TIAM1: variants seen among roughly 807,000 people sequenced by gnomAD.
TIAM1 encodes rho guanine nucleotide exchange factor TIAM1.
A neutral mutation model predicts 163.5 loss-of-function variants in TIAM1; 65 were observed. The observed-to-expected ratio is 0.40, with a 90% CI of 0.33 to 0.49. The LOEUF (loss-of-function observed/expected upper bound fraction) is 0.49, where lower values mean the gene tolerates loss of function less well. Among genes scored for constraint, TIAM1 ranks in the 20% least tolerant of loss-of-function variants. TIAM1 has a pLI of 0.77. For synonymous variants in TIAM1, 833 were observed against 810.1 expected, an observed-to-expected ratio of 1.03 and a Z score of -0.48; for missense variants, 1,789 against 2,044.7, an observed-to-expected ratio of 0.87 and a Z score of 2.41.
intron 2 of TIAM1, among the ~76,000 whole-genome samples, chr21:31,354,412 T>A (rs1317660666): frequency 6.6e-6 from 1 of 152,168 alleles, no homozygotes; most frequent in Non-Finnish European, 1.5e-5. Flanking sequence ...AATGCATGTG[T>A]GGGAGATTCC....
intron 2 of TIAM1, among the ~76,000 whole-genome samples, chr21:31,285,380 T>A (rs1190697046): frequency 6.6e-6 from 1 of 152,170 alleles, no homozygotes; most frequent in Non-Finnish European, 1.5e-5. Context: ...TCCCAAGCAC[T>A]GCTGGAAAGG....
chr21:31,524,226 G>A (rs978972319), intron 1 of TIAM1, among the ~76,000 whole-genome samples: 4 of 152,130 alleles, frequency 2.6e-5, no homozygotes, highest in African/African-American at 7.2e-5. Context: ...CAAGAAGCAC[G>A]GCTTCTGGGA....
chr21:31,150,085 A>G (rs372142176), intron 19 of TIAM1, among the ~76,000 whole-genome samples: 1 of 152,324 alleles, frequency 6.6e-6, no homozygotes, highest in Admixed American at 6.5e-5. Context: ...ATGTAGCCCA[A>G]TGCTACCATT....
At chr21:31,267,071 G>T in intron 3 of TIAM1, 88 bp from the exon 4 acceptor site, 1 of 1,491,748 alleles carries the variant, frequency 6.7e-7, no homozygotes, top group Non-Finnish European at 8.9e-7. Context: ...CCTGCAGGGA[G>T]GGCAGAACAC....
intron 15 of TIAM1, among the ~76,000 whole-genome samples, chr21:31,173,923 G>A (rs919565093): frequency 9.2e-5 from 14 of 152,026 alleles, no homozygotes; most frequent in Admixed American, 6.6e-4. Context: ...AAGTTACCCC[G>A]CCCCCGGCCA....
chr21:31,330,647 A>G (rs1368949657), intron 2 of TIAM1, among the ~76,000 whole-genome samples: 2 of 152,172 alleles, frequency 1.3e-5, no homozygotes, highest in Non-Finnish European at 2.9e-5. Flanking sequence ...CATGTTGGCC[A>G]GGCTGGTCTC....
At chr21:31,146,694 G>C (rs573044361) in intron 20 of TIAM1, among the ~76,000 whole-genome samples, 1 of 139,304 alleles carries the variant, frequency 7.2e-6, no homozygotes, top group Non-Finnish European at 1.5e-5. Context: ...CTGGGCAACA[G>C]AGTGAGACTC....
At chr21:31,463,356 C>A (rs1361227615) in intron 2 of TIAM1, among the ~76,000 whole-genome samples, 3 of 152,152 alleles carry the variant, frequency 2.0e-5, no homozygotes, top group Admixed American at 1.3e-4. Flanking sequence ...CCGGAGCAAA[C>A]CCTGTCAATT....
chr21:31,212,606 C>CTTTTTTTTT (rs35838120), intron 10 of TIAM1: 1 of 93,742 alleles, frequency 1.1e-5, no homozygotes, highest in Non-Finnish European at 2.1e-5. Flanking sequence ...GCCTGTGAAT[C>CTTTTTTTTT]TTTTTTTTTT....
chr21:31,483,922 G>T (rs987832201), intron 1 of TIAM1, among the ~76,000 whole-genome samples: 4 of 152,160 alleles, frequency 2.6e-5, no homozygotes, highest in African/African-American at 9.7e-5. Context: ...AATGCCATAG[G>T]CTGAAAGGTT....
At chr21:31,336,981 A>G (rs1381385013) in intron 2 of TIAM1, among the ~76,000 whole-genome samples, 1 of 152,166 alleles carries the variant, frequency 6.6e-6, no homozygotes, top group Non-Finnish European at 1.5e-5. Flanking sequence ...TGCTGGGGCA[A>G]GTATAAAGAG....
At position 31,442,232 on chromosome 21, in the gene TIAM1, GTTTTTTTTT is replaced by G. The variant is rs904586823; in HGVS notation, c.-369+21742_-369+21750del. ...TAAGACGTAACGTCAGGAGTAGGGAGTTTTTTTTTTTTTTTTTTGAAACAGAGTCTCCCT... is the reference window on the plus strand; with the variant it reads ...TAAGACGTAACGTCAGGAGTAGGGAGTTTTTTTTTGAAACAGAGTCTCCCT... On this transcript the variant is annotated intron_variant, in intron 2 of 28. Coordinates refer to the TIAM1 transcript ENST00000286827. 2.4e-3 allele frequency among the ~76,000 whole-genome samples: 303 copies of G among 124,950 alleles called. 1 individual carries two copies. Among genetic ancestry groups the G allele is most frequent in the African/African-American group, 8.2e-3 (271 of 33,238 alleles). 82.0% of individuals were successfully genotyped at this position (124,950 alleles called of 152,430 possible).
At chr21:31,442,447 G>A (rs1329700547) in intron 2 of TIAM1, among the ~76,000 whole-genome samples, 2 of 151,948 alleles carry the variant, frequency 1.3e-5, no homozygotes, top group African/African-American at 4.8e-5. Context: ...TGGCCAGGCT[G>A]GTATGGAACG....
rs996393631 is a variant in TIAM1 at position 31,256,588 on chromosome 21, T to C, written c.964-4399A>G. Among the ~76,000 whole-genome samples the C allele has an allele frequency of 1.9e-4, 24 of 128,244 alleles. No homozygotes were observed. In the East Asian group the frequency reaches 5.2e-3, roughly 28 times the overall value. 84.1% of individuals were successfully genotyped at this position (128,244 alleles called of 152,430 possible). ...CCCCAAAATATTAAGTACCCCTCAC[T>C]ACACACACACACACACACACACACA... On this transcript the variant is annotated intron_variant, in intron 4 of 27. Coordinates refer to ENST00000541036, the MANE Select transcript of TIAM1 (RefSeq NM_001353694.2).
intron 20 of TIAM1, among the ~76,000 whole-genome samples, chr21:31,144,399 CTG>C (rs1369644064): frequency 1.3e-5 from 2 of 152,252 alleles, no homozygotes; most frequent in Non-Finnish European, 2.9e-5. Flanking sequence ...GAGCAAAAGA[CTG>C]CACAGTTCAC....
chr21:31,393,076 C>T (rs1480017990), intron 2 of TIAM1, among the ~76,000 whole-genome samples: 1 of 151,982 alleles, frequency 6.6e-6, no homozygotes, highest in Non-Finnish European at 1.5e-5. Flanking sequence ...ATGCCTCAGC[C>T]TCCCAAGTAG....
At chr21:31,400,689 A>T (rs1387617151) in intron 2 of TIAM1, among the ~76,000 whole-genome samples, 1 of 152,224 alleles carries the variant, frequency 6.6e-6, no homozygotes, top group African/African-American at 2.4e-5. Context: ...TTAGTGGGGC[A>T]TAGAAGCCTT....
chr21:31,260,604 A>C (rs1361691676), intron 4 of TIAM1, among the ~76,000 whole-genome samples: 1 of 152,030 alleles, frequency 6.6e-6, no homozygotes, highest in African/African-American at 2.4e-5. Context: ...TTGGCAAAGA[A>C]GATATATATT....
At chr21:31,309,962 G>A (rs1444823735) in intron 2 of TIAM1, among the ~76,000 whole-genome samples, 2 of 152,156 alleles carry the variant, frequency 1.3e-5, no homozygotes, top group African/African-American at 2.4e-5. Flanking sequence ...GTCCAGAAAT[G>A]CAAATCAAAT....
Sources: allele counts gnomAD v4.1 joint callset (sites outside exome capture counted in the v4.1 genomes callset), GRCh38; gene constraint gnomAD v4.1.1; transcripts MANE v1.5; gene names NCBI Gene and HGNC (gene_info 2026-07-23, HGNC 2026-07-21).